The following EYA1 variants were observed in gnomAD, a reference collection of about 807,000 sequenced individuals.
The protein encoded by EYA1 is protein phosphatase EYA1.
Under a neutral mutation model 82.0 loss-of-function variants are expected in EYA1, and 16 were observed. The observed-to-expected ratio is 0.20, with a 90% CI of 0.13 to 0.30. The LOEUF is 0.30. Among genes scored for constraint, EYA1 ranks in the 10% least tolerant of loss-of-function variants. EYA1 has a pLI of 1.00. For missense variants in EYA1, 633 were observed against 730.7 expected (o/e 0.87, Z 1.54); for synonymous variants, 261 against 264.4 (o/e 0.99, Z 0.12).
At chr8:71,451,276 A>G (rs1322432254) in intron 2 of EYA1, among the ~76,000 whole-genome samples, 1 of 152,228 alleles carries the variant, frequency 6.6e-6, no homozygotes, top group East Asian at 1.9e-4. Flanking sequence ...AGTATAGAAA[A>G]ACAAATATGG....
intron 2 of EYA1, among the ~76,000 whole-genome samples, chr8:71,391,862 T>C (rs118068970): frequency 0.022 from 3,386 of 152,248 alleles, 47 homozygotes; most frequent in Middle Eastern, 0.037. Flanking sequence ...GAGCCCAGGG[T>C]GTTTGCCATT....
intron 4 of EYA1, among the ~76,000 whole-genome samples, chr8:71,328,184 G>T (rs950899795): frequency 1.3e-5 from 2 of 152,098 alleles, no homozygotes; most frequent in Non-Finnish European, 2.9e-5. Flanking sequence ...AGCCATTGTG[G>T]AGAAGAAAGT....
At chr8:71,455,741 T>C (rs889675702) in intron 2 of EYA1, among the ~76,000 whole-genome samples, 3 of 152,220 alleles carry the variant, frequency 2.0e-5, no homozygotes, top group African/African-American at 7.2e-5. Context: ...AAATTCAGTA[T>C]TGATGGGATG....
At chr8:71,372,144 A>T (rs886297028) in intron 2 of EYA1, among the ~76,000 whole-genome samples, 4 of 152,120 alleles carry the variant, frequency 2.6e-5, no homozygotes, top group Admixed American at 6.6e-5. Flanking sequence ...ACATCAATGG[A>T]TATTATTCGG....
At chr8:71,298,736 G>A (rs182401893) in intron 9 of EYA1, among the ~76,000 whole-genome samples, 162 of 152,252 alleles carry the variant, frequency 1.1e-3, no homozygotes, top group Non-Finnish European at 1.6e-3. Context: ...TGGTGCCAAT[G>A]AATTATAGTT....
chr8:71,340,654 G>A (rs1227025905), intron 3 of EYA1, among the ~76,000 whole-genome samples: 2 of 152,034 alleles, frequency 1.3e-5, no homozygotes, highest in Admixed American at 1.3e-4. Flanking sequence ...GTCTGTGTTT[G>A]TGACTCCTTT....
chr8:71,411,507 C>G (rs1241273445), intron 2 of EYA1, among the ~76,000 whole-genome samples: 4 of 133,290 alleles, frequency 3.0e-5, no homozygotes, highest in Non-Finnish European at 4.8e-5. Flanking sequence ...TATCCAGAAT[C>G]TACAATGAAC....
intron 2 of EYA1, among the ~76,000 whole-genome samples, chr8:71,453,520 GA>G (rs1466610641): frequency 6.6e-6 from 1 of 152,178 alleles, no homozygotes; most frequent in Non-Finnish European, 1.5e-5. Context: ...CAGGCAGAAA[GA>G]AAGGTAGGAT....
chr8:71,547,835 C>A (rs1815788871), intron 1 of EYA1: 1 of 150,882 alleles, frequency 6.6e-6, no homozygotes, highest in Non-Finnish European at 1.5e-5. Flanking sequence ...GGGACCCTGG[C>A]GGGCCCCGGG....
rs145574726 is a variant in EYA1, at chr8:71,239,589, T to C, written c.1140+5014A>G. Among the ~76,000 whole-genome samples, 288 of 152,318 alleles carry C rather than the reference T, an allele frequency of 1.9e-3. 1 individual carries two copies. Among genetic ancestry groups the C allele is most frequent in the African/African-American group, 6.4e-3 (267 of 41,578 alleles). ...TGTGTACAGGGTTGAAAATGACAAG[T>C]GGCATTCCATATGTGTGTACATATA... On this transcript the variant is annotated intron_variant, in intron 12 of 17. Transcript: ENST00000340726.
chr8:71,451,769 A>G (rs893013846), intron 2 of EYA1, among the ~76,000 whole-genome samples: 3 of 152,182 alleles, frequency 2.0e-5, no homozygotes, highest in African/African-American at 7.2e-5. Context: ...CATTTCATCA[A>G]GACTTAGCAT....
rs781299221 is a variant in EYA1, at chr8:71,470,752, C to T, written c.33+64992G>A. On this transcript the variant is annotated intron_variant, in intron 2 of 18. Transcript: ENST00000643681. ...CAAGGATTAAGGGGGAAAACATCACCGTAATGATATAACAGACTTAACACT... is the reference window on the plus strand; with the variant it reads ...CAAGGATTAAGGGGGAAAACATCACTGTAATGATATAACAGACTTAACACT... The T allele has an allele frequency of 2.6e-4, 94 of 367,598 alleles. 1 individual carries two copies. The highest frequency in any genetic ancestry group is 4.6e-4 in the Non-Finnish European group (86 of 188,500). The allele number at this position is 367,598 out of a possible 1,614,324, so 22.8% of individuals were successfully genotyped here. A position where few individuals can be genotyped will look rare whatever the true frequency, so the allele number is the denominator to read the frequency against.
intron 9 of EYA1, among the ~76,000 whole-genome samples, chr8:71,279,166 G>A (rs1817537794): frequency 6.6e-6 from 1 of 152,108 alleles, no homozygotes; most frequent in South Asian, 2.1e-4. Context: ...ACATGAGACA[G>A]GCTAATCAAT....
intron 2 of EYA1, among the ~76,000 whole-genome samples, chr8:71,376,092 T>C (rs1467290861): frequency 1.3e-5 from 2 of 152,216 alleles, no homozygotes; most frequent in Non-Finnish European, 2.9e-5. Context: ...GACAGGGCTG[T>C]GTACGAAGCA....
At chr8:71,468,171 T>G (rs957812134) in intron 2 of EYA1, among the ~76,000 whole-genome samples, 1 of 152,180 alleles carries the variant, frequency 6.6e-6, no homozygotes, top group African/African-American at 2.4e-5. Flanking sequence ...CCATGAGATT[T>G]ATTATTAGAA....
intron 7 of EYA1, among the ~76,000 whole-genome samples, chr8:71,309,442 C>A (rs1263183358): frequency 1.3e-5 from 2 of 151,984 alleles, no homozygotes; most frequent in African/African-American, 4.8e-5. Flanking sequence ...AATTAAGGGG[C>A]AATTCTGCAC....
chr8:71,281,351 C>G (rs1359411923), intron 9 of EYA1, among the ~76,000 whole-genome samples: 1 of 152,196 alleles, frequency 6.6e-6, no homozygotes, highest in Non-Finnish European at 1.5e-5. Context: ...CGGCACCTTT[C>G]TCCTCCTACA....
intron 9 of EYA1, among the ~76,000 whole-genome samples, chr8:71,277,304 C>T (rs1318287109): frequency 1.3e-5 from 2 of 151,610 alleles, no homozygotes; most frequent in African/African-American, 2.4e-5. Flanking sequence ...TGACGTGACA[C>T]CAGGCTAATT....
chr8:71,236,769 T>C (rs1014277406), intron 12 of EYA1, among the ~76,000 whole-genome samples: 11 of 152,368 alleles, frequency 7.2e-5, no homozygotes, highest in African/African-American at 2.6e-4. Flanking sequence ...ATAATGTATG[T>C]AAAAGATATA....
Sources: gnomAD v4.1 joint callset for allele counts (sites outside exome capture counted in the v4.1 genomes callset) on GRCh38, gnomAD v4.1.1 for gene constraint, MANE v1.5 for transcripts, NCBI Gene and HGNC (gene_info 2026-07-23, HGNC 2026-07-21) for gene names.